Variants in ZNF624 observed in about 807,000 individuals in gnomAD.
The protein encoded by ZNF624 is zinc finger protein 624.
ZNF624 carries 43 observed loss-of-function variants against 74.7 expected under a neutral mutation model. That is an observed-to-expected ratio of 0.58 (90% CI 0.45 to 0.74). The LOEUF (loss-of-function observed/expected upper bound fraction) is 0.74, where lower values mean the gene tolerates loss of function less well. Ranked by LOEUF, ZNF624 falls within the 30% of genes least tolerant of loss-of-function variation. The pLI, the probability that ZNF624 is intolerant of heterozygous loss-of-function variation, is 0.00. For missense variants in ZNF624, 820 were observed against 1,030.0 expected (o/e 0.80, Z 2.79); for synonymous variants, 331 against 341.3 (o/e 0.97, Z 0.33).
chr17:16,649,801 C>T, intron 1 of ZNF624, 55 bp from the exon 2 acceptor site: 1 of 1,450,902 alleles, frequency 6.9e-7, no homozygotes, highest in African/African-American at 1.4e-5. Flanking sequence ...ATTTCAGACT[C>T]ACCAAGTTGG....
intron 1 of ZNF624, among the ~76,000 whole-genome samples, chr17:16,651,739 C>T (rs893172662): frequency 9.9e-5 from 15 of 151,976 alleles, no homozygotes; most frequent in Non-Finnish European, 1.5e-4. Context: ...CTAATGAAAA[C>T]GCCACATGTA....
chr17:16,637,373 G>A lies in ZNF624; in HGVS notation c.154-2617C>T, dbSNP rs1909358942. Among the ~76,000 whole-genome samples the A allele has an allele frequency of 2.0e-5, 3 of 152,262 alleles. No homozygotes were observed. The South Asian group carries it at 6.2e-4, about 32-fold the overall frequency. On this transcript the variant is annotated intron_variant, in intron 3 of 5. Transcript: ENST00000311331. ...CAGAATTGGAAAAAACTACTTTAAAGTTCATATGGAGCCAAAAAAGAGCCC... is the reference window on the plus strand; with the variant it reads ...CAGAATTGGAAAAAACTACTTTAAAATTCATATGGAGCCAAAAAAGAGCCC...
In ZNF624 at chr17:16,622,595, C is replaced by A. The variant is rs1908947965; in HGVS notation, c.2291G>T (p.Gly764Val). 6.2e-7 allele frequency: 1 copy of A among 1,613,834 alleles called. No individual in the cohort carries two copies. The highest frequency in any genetic ancestry group is 1.1e-5 in the South Asian group (1 of 91,052). The change falls in exon 6 of 6, where the codon GGT (glycine) becomes GTT (valine). Residue 764 changes from glycine (G) to valine (V), a missense_variant. Physicochemically the swap from Gly to Val is moderately radical, Grantham distance 109. Transcript: ENST00000311331. ...TCTCCAATGCACTGTAAGGTAAGAA[C>A]CCCTCCTGAAGGCTTTTCCACAGAC... ...CDVCGKAFRR[G>V]SYLTVHWRTH...
At position 16,634,685 on chromosome 17, in the gene ZNF624, C is replaced by G; in HGVS notation, c.225G>C (p.Gln75His). The G allele has an allele frequency of 6.2e-7, 1 of 1,613,876 alleles. No homozygotes were observed. The highest frequency in any genetic ancestry group is 8.5e-7 in the Non-Finnish European group (1 of 1,179,810). The change falls in exon 4 of 6, where the codon CAG becomes CAC. Residue 75 changes from glutamine to histidine, a missense_variant. Physicochemically the swap from Gln to His is conservative, Grantham distance 24. Coordinates refer to ENST00000311331, the MANE Select transcript of ZNF624 (RefSeq NM_020787.4). ...LEEWRLMDPT[Q>H]RNLHKDVMLE... ...GCATCACATCCTTGTGCAGGTTCCT[C>G]TGTGTAGGGTCCATCAACCTCCACT...
chr17:16,634,772 T>C lies in ZNF624; in HGVS notation c.154-16A>G. The stretch of plus-strand genomic sequence containing the variant: ...TCACCGATTCCTAAAACAATTACAT[T>C]GTGATCACTTAGAAACTATACAATT... On this transcript the variant is annotated splice_polypyrimidine_tract_variant and intron_variant, in intron 3 of 5. Coordinates refer to ENST00000311331, the MANE Select transcript of ZNF624 (RefSeq NM_020787.4). The C allele has an allele frequency of 1.2e-6, 2 of 1,607,028 alleles. No homozygotes were observed. Among genetic ancestry groups the C allele is most frequent in the Non-Finnish European group, 1.7e-6 (2 of 1,177,180 alleles).
At chr17:16,626,657 C>T (rs972993077) in intron 5 of ZNF624, among the ~76,000 whole-genome samples, 1 of 152,152 alleles carries the variant, frequency 6.6e-6, no homozygotes, top group Non-Finnish European at 1.5e-5. Context: ...AAGGCTGAAG[C>T]TGGAGGATCC....
chr17:16,645,519 A>G (rs1209353633), intron 3 of ZNF624, among the ~76,000 whole-genome samples: 1 of 151,964 alleles, frequency 6.6e-6, no homozygotes, highest in Non-Finnish European at 1.5e-5. Flanking sequence ...ATGCAATAAG[A>G]GTTCTTCATC....
chr17:16,648,618 C>A (rs183557612), intron 2 of ZNF624, among the ~76,000 whole-genome samples: 1 of 152,134 alleles, frequency 6.6e-6, no homozygotes, highest in African/African-American at 2.4e-5. Flanking sequence ...GAATAAAAGA[C>A]CACAATCACG....
At chr17:16,638,620 C>A (rs1220352677) in intron 3 of ZNF624, among the ~76,000 whole-genome samples, 1 of 152,074 alleles carries the variant, frequency 6.6e-6, no homozygotes, top group Admixed American at 6.6e-5. Flanking sequence ...GGACAAAAAA[C>A]CAAACACTGA....
At chr17:16,642,011 T>C (rs1207668180) in intron 3 of ZNF624, among the ~76,000 whole-genome samples, 1 of 152,068 alleles carries the variant, frequency 6.6e-6, no homozygotes, top group Non-Finnish European at 1.5e-5. Flanking sequence ...AAAGAATACA[T>C]AAATAAATGG....
chr17:16,651,881 A>C (rs1221618047), intron 1 of ZNF624, among the ~76,000 whole-genome samples: 1 of 152,190 alleles, frequency 6.6e-6, no homozygotes. Context: ...ATACAGCTTG[A>C]ACAAGTACAC....
chr17:16,633,339 A>G (rs543254216), intron 5 of ZNF624, among the ~76,000 whole-genome samples: 39 of 152,308 alleles, frequency 2.6e-4, no homozygotes, highest in African/African-American at 9.1e-4. Context: ...TTGATTCTCA[A>G]CTGCTTCCTT....
downstream of ZNF624, chr17:16,617,603 ACTGCTGTATCCAC>A (rs746141524): frequency 1.1e-3 from 1,812 of 1,593,212 alleles, 5 homozygotes; most frequent in Admixed American, 2.0e-3. Context: ...GATGTCTCCG[ACTGCTGTATCCAC>A]CTCCACCACG....
intron 5 of ZNF624, among the ~76,000 whole-genome samples, chr17:16,633,334 T>G (rs1479670563): frequency 6.6e-6 from 1 of 152,252 alleles, no homozygotes; most frequent in Non-Finnish European, 1.5e-5. Context: ...ATATTTTGAT[T>G]CTCAACTGCT....
intron 5 of ZNF624, among the ~76,000 whole-genome samples, chr17:16,625,829 A>G (rs1333723651): frequency 6.6e-6 from 1 of 152,018 alleles, no homozygotes; most frequent in African/African-American, 2.4e-5. Context: ...TTAATATTTT[A>G]TTTTTAAGAC....
Position 16,623,552 on chromosome 17 carries a change from T to C in ZNF624, c.1334A>G (p.Gln445Arg). Residue 445 changes from glutamine (Q) to arginine (R), a missense_variant, in exon 6 of 6, where the codon CAG (glutamine) becomes CGG (arginine). Transcript: ENST00000311331. This position sits in a 1 kb window ranked among gnomAD's most constrained non-coding sequence, Gnocchi z 5.3. ...AAAAGACTTCCCACACTCGTTGCAC[T>C]GATATGGTTTCTCTTCAGTGTGGGT... ...QKTHTEEKPY[Q>R]CNECGKSFKN... 1.2e-6 allele frequency: 2 copies of C among 1,609,918 alleles called. No individual in the cohort carries two copies. Among genetic ancestry groups the C allele is most frequent in the African/African-American group, 1.3e-5 (1 of 74,656 alleles).
chr17:16,622,309 T>C lies in ZNF624; in HGVS notation c.2577A>G (p.Gln859=), dbSNP rs771873994. 82 of 1,571,636 alleles carry C rather than the reference T, an allele frequency of 5.2e-5. No individual in the cohort carries two copies. The highest frequency in any genetic ancestry group is 7.8e-5 in the Admixed American group (4 of 51,032). The change falls in exon 6 of 6, where the codon CAA becomes CAG. Residue 859 remains glutamine (Q), a synonymous_variant. Coordinates refer to ENST00000311331, the MANE Select transcript of ZNF624 (RefSeq NM_020787.4). ...SSLTVHQRIH[Q]RETQLI is the part of the protein sequence containing the mutation. ...TTCTTTATATTAACTGAGTTTCTCT[T>C]TGATGTATTCTTTGATGTACAGTAA... is the stretch of plus-strand genomic sequence containing the variant.
intron 3 of ZNF624, among the ~76,000 whole-genome samples, chr17:16,639,198 C>T (rs1357379748): frequency 6.6e-6 from 1 of 152,140 alleles, no homozygotes; most frequent in Non-Finnish European, 1.5e-5. Context: ...AAGAAGTCAA[C>T]TTAGATCATA....
At chr17:16,615,802 T>C (rs899391439), downstream of ZNF624, among the ~76,000 whole-genome samples, 4 of 151,734 alleles carry the variant, frequency 2.6e-5, no homozygotes, top group Non-Finnish European at 5.9e-5. Flanking sequence ...AAGAAAAAAG[T>C]GGTATGAGGA....
Sources: allele counts gnomAD v4.1 joint callset (sites outside exome capture counted in the v4.1 genomes callset), GRCh38; gene constraint gnomAD v4.1.1; non-coding constraint Gnocchi (gnomAD v3.1); transcripts MANE v1.5; gene names NCBI Gene and HGNC (gene_info 2026-07-23, HGNC 2026-07-21).